The following MUC5AC variants were observed in gnomAD, a reference collection of about 807,000 sequenced individuals.
The protein encoded by MUC5AC is mucin 5AC, oligomeric mucus/gel-forming.
MUC5AC carries 158 observed loss-of-function variants against 169.7 expected under a neutral mutation model. The ratio of observed to expected loss-of-function variants is 0.93; its 90% CI spans 0.82 to 1.06. The LOEUF (loss-of-function observed/expected upper bound fraction) is 1.06, where lower values mean the gene tolerates loss of function less well. MUC5AC is among the 50% of genes least tolerant of loss of function. MUC5AC has a pLI of 0.00. For synonymous variants in MUC5AC, 1,975 were observed against 1,237.0 expected (o/e 1.60, Z -12.52); for missense variants, 4,359 against 3,089.9 (o/e 1.41, Z -9.74).
rs1451473710 is a variant in MUC5AC, at chr11:1,188,867, C to G, written c.10722C>G (p.His3574Gln). 5 of 763,562 alleles carry G rather than the reference C, an allele frequency of 6.5e-6. No individual in the cohort carries two copies. Among genetic ancestry groups the G allele is most frequent in the Non-Finnish European group, 9.6e-6 (4 of 417,190 alleles). 47.3% of individuals were successfully genotyped at this position (763,562 alleles called of 1,614,324 possible). ...ITRLQCRAKS[H>Q]PEVSIEHLGQ... ...GGCTCCAGTGCCGAGCCAAGAGCCACCCGGAGGTGAGCATCGAACACCTGG... is the reference window on the plus strand; with the variant it reads ...GGCTCCAGTGCCGAGCCAAGAGCCAGCCGGAGGTGAGCATCGAACACCTGG... The change falls in exon 31 of 49, where the codon CAC becomes CAG. Residue 3574 changes from histidine to glutamine, a missense_variant. By Grantham distance (24) the His-to-Gln change is conservative. Transcript: ENST00000621226.
In MUC5AC at chr11:1,184,540, C is replaced by T; in HGVS notation, c.6395C>T (p.Ser2132Phe). The change falls in exon 31 of 49, where the codon TCC (serine) becomes TTC (phenylalanine). Residue 2132 changes from serine to phenylalanine, a missense_variant. Transcript: ENST00000621226. ...ACGTGGTTCGACGTGGACTTCCCGTCCCCCGGACCCCATGGTGGAGACAAG... is the reference window on the plus strand; with the variant it reads ...ACGTGGTTCGACGTGGACTTCCCGTTCCCCGGACCCCATGGTGGAGACAAG... The part of the protein sequence containing the change: ...WTTWFDVDFP[S>F]PGPHGGDKET... The T allele has an allele frequency of 1.5e-6, 1 of 647,454 alleles. No individual in the cohort carries two copies. The highest frequency in any genetic ancestry group is 2.8e-6 in the Non-Finnish European group (1 of 358,192). The allele number at this position is 647,454 out of a possible 1,614,324, so 40.1% of individuals were successfully genotyped here.
In MUC5AC at chr11:1,197,506, G is replaced by A. The variant is rs774158321; in HGVS notation, c.15900G>A (p.Thr5300=). Reference sequence around the variant, plus strand: ...TCGGCATGGACTGCCAGGAGTGCACGTGTGAGGCGGCCACGTGGACGCTGA... The same window carrying A: ...TCGGCATGGACTGCCAGGAGTGCACATGTGAGGCGGCCACGTGGACGCTGA... The part of the protein sequence containing the change: ...HTVGMDCQEC[T]CEAATWTLTC... The change falls in exon 41 of 49, where the codon ACG becomes ACA. Residue 5300 remains threonine, a synonymous_variant. Coordinates refer to ENST00000621226, the MANE Select transcript of MUC5AC (RefSeq NM_001304359.2). 1.7e-5 allele frequency: 12 copies of A among 717,986 alleles called. No individual in the cohort carries two copies. The highest frequency in any genetic ancestry group is 2.9e-5 in the South Asian group (2 of 68,486). 44.5% of individuals were successfully genotyped at this position (717,986 alleles called of 1,614,324 possible). A position where few individuals can be genotyped will look rare whatever the true frequency, so the allele number is the denominator to read the frequency against.
intron 6 of MUC5AC, 138 bp downstream of exon 6, chr11:1,163,183 C>G: frequency 1.3e-6 from 1 of 766,890 alleles, no homozygotes; most frequent in Non-Finnish European, 2.2e-6. Flanking sequence ...CCTAGCACAG[C>G]ACACACGTGC....
chr11:1,178,418 C>A lies in MUC5AC; in HGVS notation c.3088-26C>A, dbSNP rs1201605799. ...GGCCTTCTCGGTTTGCTGCACCCAC[C>A]TCCACCTCTCCCGGTGCCTCTGCAG... On this transcript the variant is annotated intron_variant, in intron 24 of 48. Transcript: ENST00000621226. 12 of 513,750 alleles carry A rather than the reference C, an allele frequency of 2.3e-5. 1 individual carries two copies. The highest frequency in any genetic ancestry group is 3.7e-5 in the Non-Finnish European group (12 of 323,740). The allele number at this position is 513,750 out of a possible 1,614,324, so 31.8% of individuals were successfully genotyped here. A position where few individuals can be genotyped will look rare whatever the true frequency, so the allele number is the denominator to read the frequency against.
At chr11:1,170,522 C>T (rs1170691759) in intron 15 of MUC5AC, among the ~76,000 whole-genome samples, 40 of 137,522 alleles carry the variant, frequency 2.9e-4, no homozygotes, top group Non-Finnish European at 5.5e-4. Context: ...ACCATTCACT[C>T]ACCCATTCAC....
At position 1,183,266 on chromosome 11, in the gene MUC5AC, A is replaced by G; in HGVS notation, c.5121A>G (p.Thr1707=). 4 of 403,034 alleles carry G rather than the reference A, an allele frequency of 9.9e-6. No homozygotes were observed. Among genetic ancestry groups the G allele is most frequent in the Middle Eastern group, 5.1e-4 (1 of 1,980 alleles). 25.0% of individuals were successfully genotyped at this position (403,034 alleles called of 1,614,324 possible). A position where few individuals can be genotyped will look rare whatever the true frequency, so the allele number is the denominator to read the frequency against. The part of the protein sequence containing the change: ...TGAQTQTTFT[T]HMPSASTEQP... ...CTCAGACCCAGACCACCTTCACCACACACATGCCCTCGGCCTCCACAGAGC... is the reference window on the plus strand; with the variant it reads ...CTCAGACCCAGACCACCTTCACCACGCACATGCCCTCGGCCTCCACAGAGC... Residue 1707 remains threonine (T), a synonymous_variant, in exon 31 of 49, where the codon ACA becomes ACG. Coordinates refer to ENST00000621226, the MANE Select transcript of MUC5AC (RefSeq NM_001304359.2).
chr11:1,198,717 G>A (rs1861346205), intron 43 of MUC5AC, among the ~76,000 whole-genome samples, 157 bp from the exon 44 acceptor site: 1 of 152,088 alleles, frequency 6.6e-6, no homozygotes, highest in African/African-American at 2.4e-5. Context: ...ACCAAGAGGT[G>A]CCACCACGAG....
At position 1,190,907 on chromosome 11, in the gene MUC5AC, AACT is replaced by A; in HGVS notation, c.12766_12768del (p.Thr4256del). On this transcript the variant is annotated inframe_deletion, in exon 31 of 49. Coordinates refer to ENST00000621226, the MANE Select transcript of MUC5AC (RefSeq NM_001304359.2). The stretch of plus-strand genomic sequence containing the variant: ...CAACCAGCACAACCTCTGGTCCTGG[AACT>A]ACTCCAAGCCCTGTTCCCAGCACCA... 2 of 737,152 alleles carry A rather than the reference AACT, an allele frequency of 2.7e-6. No homozygotes were observed. Among genetic ancestry groups the A allele is most frequent in the Non-Finnish European group, 4.9e-6 (2 of 405,204 alleles). The allele number at this position is 737,152 out of a possible 1,614,324, so 45.7% of individuals were successfully genotyped here.
chr11:1,169,176 T>G, intron 15 of MUC5AC, 150 bp downstream of exon 15: 5 of 1,401,972 alleles, frequency 3.6e-6, no homozygotes, highest in Non-Finnish European at 4.6e-6. Flanking sequence ...AGGCTCATGG[T>G]GGGCGCCCAA....
At chr11:1,175,965 A>C in intron 19 of MUC5AC, among the ~76,000 whole-genome samples, 186 bp from the exon 20 acceptor site, 1 of 122,466 alleles carries the variant, frequency 8.2e-6, no homozygotes, top group Non-Finnish European at 1.7e-5. Context: ...ACACCCAGTT[A>C]TGCAACGCTC....
At chr11:1,181,971 A>C (rs1229359831) in intron 30 of MUC5AC, among the ~76,000 whole-genome samples, 184 bp from the exon 31 acceptor site, 2 of 152,212 alleles carry the variant, frequency 1.3e-5, no homozygotes, top group African/African-American at 4.8e-5. Flanking sequence ...CCTAAAACTC[A>C]GTCGGTTCGC....
Position 1,197,554 on chromosome 11 carries a change from GCTGCCCCCTGC to G in MUC5AC, c.15961_15971del (p.Cys5321ArgfsTer35), listed in dbSNP as rs1330272569. The stretch of plus-strand genomic sequence containing the variant: ...TGACCTGCCGACCCAAGCTCTGCCC[GCTGCCCCCTGC>G]CTGCCCCCTGCCCGGCTTCGTGCCT... On this transcript the variant is annotated frameshift_variant, in exon 41 of 49. Coordinates refer to ENST00000621226, the MANE Select transcript of MUC5AC (RefSeq NM_001304359.2). LOFTEE classifies it high-confidence loss of function. 2.5e-5 allele frequency: 18 copies of G among 715,816 alleles called. No homozygotes were observed. The highest frequency in any genetic ancestry group is 3.8e-5 in the Non-Finnish European group (15 of 393,782). The allele number at this position is 715,816 out of a possible 1,614,324, so 44.3% of individuals were successfully genotyped here. A position where few individuals can be genotyped will look rare whatever the true frequency, so the allele number is the denominator to read the frequency against.
chr11:1,169,226 T>C, intron 15 of MUC5AC, 200 bp downstream of exon 15: 1 of 927,698 alleles, frequency 1.1e-6, no homozygotes, highest in Non-Finnish European at 1.3e-6. Flanking sequence ...GGGCATCTGC[T>C]TCAGGGTCAA....
Position 1,183,745 on chromosome 11 carries a change from C to A in MUC5AC, c.5600C>A (p.Thr1867Lys), listed in dbSNP as rs1459676845. Residue 1867 changes from threonine (T) to lysine (K), a missense_variant, in exon 31 of 49, where the codon ACA (threonine) becomes AAA (lysine). Physicochemically the swap from Thr to Lys is moderately conservative, Grantham distance 78. Transcript: ENST00000621226. The stretch of plus-strand genomic sequence containing the variant: ...AGTCCAGCCCAGACCACTCCTTCAA[C>A]AACCTCCAAGACCACTGAAACCCAG... Reference protein sequence around the residue: ...SSSPAQTTPSTTSKTTETQAS... With the variant: ...SSSPAQTTPSKTSKTTETQAS... The A allele has an allele frequency of 1.4e-5, 7 of 510,838 alleles. No homozygotes were observed. Among genetic ancestry groups the A allele is most frequent in the Non-Finnish European group, 2.4e-5 (7 of 293,194 alleles). 31.6% of individuals were successfully genotyped at this position (510,838 alleles called of 1,614,324 possible). A position where few individuals can be genotyped will look rare whatever the true frequency, so the allele number is the denominator to read the frequency against.
intron 45 of MUC5AC, 55 bp downstream of exon 45, chr11:1,199,240 G>T: frequency 1.4e-6 from 1 of 718,966 alleles, no homozygotes; most frequent in Non-Finnish European, 2.5e-6. Flanking sequence ...ACTGGGGCAT[G>T]TGGGGACCTG....
rs1467670795 is a variant in MUC5AC at position 1,199,838 on chromosome 11, C to T, written c.16586-17C>T. On this transcript the variant is annotated splice_polypyrimidine_tract_variant and intron_variant, in intron 47 of 48. Transcript: ENST00000621226. ...AGGAGCAGCTGGGCTGGTCCTAAAC[C>T]CTGTGTTCCTCTCCAGAGTCGACCT... 7.9e-6 allele frequency: 6 copies of T among 756,950 alleles called. No individual in the cohort carries two copies. In the Admixed American group the frequency reaches 1.0e-4, roughly 13 times the overall value. 46.9% of individuals were successfully genotyped at this position (756,950 alleles called of 1,614,324 possible). A position where few individuals can be genotyped will look rare whatever the true frequency, so the allele number is the denominator to read the frequency against.
Position 1,188,621 on chromosome 11 carries a change from C to T in MUC5AC, c.10476C>T (p.Thr3492=). The change falls in exon 31 of 49, where the codon ACC becomes ACT. Residue 3492 remains threonine (T), a synonymous_variant. Coordinates refer to ENST00000621226, the MANE Select transcript of MUC5AC (RefSeq NM_001304359.2). ...CTACTCCCAGCCCTGTTACCACCAC[C>T]AGCACAGCCTCTGTTTCAAAGACCA... is the stretch of plus-strand genomic sequence containing the variant. ...SGTTPSPVTT[T]STASVSKTST... 1.3e-6 allele frequency: 1 copy of T among 765,066 alleles called. No homozygotes were observed. The highest frequency in any genetic ancestry group is 2.4e-6 in the Non-Finnish European group (1 of 417,814). The allele number at this position is 765,066 out of a possible 1,614,324, so 47.4% of individuals were successfully genotyped here.
At chr11:1,198,355 C>T (rs1240180873) in intron 43 of MUC5AC, 50 bp downstream of exon 43, 1 of 717,880 alleles carries the variant, frequency 1.4e-6, no homozygotes, top group Non-Finnish European at 2.5e-6. Flanking sequence ...CGGAGCTTCC[C>T]ACTGACCCTG....
intron 6 of MUC5AC, among the ~76,000 whole-genome samples, chr11:1,163,590 AC>A (rs1860209630): frequency 6.6e-6 from 1 of 152,022 alleles, no homozygotes; most frequent in South Asian, 2.1e-4. Flanking sequence ...GCAGGAGGAG[AC>A]CAGGGTCCTG....
Sources: allele counts gnomAD v4.1 joint callset (sites outside exome capture counted in the v4.1 genomes callset), GRCh38; gene constraint gnomAD v4.1.1; transcripts MANE v1.5; gene names NCBI Gene and HGNC (gene_info 2026-07-23, HGNC 2026-07-21).